Variants in PALLD observed in about 807,000 individuals in gnomAD.
PALLD encodes the protein palladin.
PALLD carries 61 observed loss-of-function variants against 123.5 expected under a neutral mutation model. The observed-to-expected ratio is 0.49, with a 90% CI of 0.40 to 0.61. PALLD has a LOEUF of 0.61. PALLD is among the 20% of genes least tolerant of loss of function. The pLI is 0.00. For synonymous variants in PALLD, 465 were observed against 496.4 expected, an observed-to-expected ratio of 0.94 and a Z score of 0.84; for missense variants, 1,273 against 1,377.0, an observed-to-expected ratio of 0.92 and a Z score of 1.20.
At chr4:168,514,364 G>C (rs1266382328) in intron 2 of PALLD, among the ~76,000 whole-genome samples, 2 of 152,140 alleles carry the variant, frequency 1.3e-5, no homozygotes, top group Non-Finnish European at 2.9e-5. Flanking sequence ...AAAGTGGTGT[G>C]ATTACAGGTG....
intron 2 of PALLD, among the ~76,000 whole-genome samples, chr4:168,516,258 A>G (rs1207506420): frequency 1.3e-5 from 2 of 152,146 alleles, no homozygotes; most frequent in African/African-American, 4.8e-5. Flanking sequence ...TCAAGTCAGA[A>G]TTCATTTTTT....
rs548822785 is a variant in PALLD at position 168,803,638 on chromosome 4, A to T, written c.1965-87284A>T. On this transcript the variant is annotated intron_variant, in intron 10 of 21. Transcript: ENST00000505667. The stretch of plus-strand genomic sequence containing the variant: ...GATTCTGAGGCTGCAGTGAGCTACG[A>T]TGGCGTACTGCACTCCAGCCTGGGT... Among the ~76,000 whole-genome samples, 4 of 149,912 alleles carry T rather than the reference A, an allele frequency of 2.7e-5. No individual in the cohort carries two copies. The South Asian group carries it at 8.4e-4, about 32-fold the overall frequency.
At chr4:168,669,197 A>G (rs1779938890) in intron 3 of PALLD, among the ~76,000 whole-genome samples, 1 of 152,156 alleles carries the variant, frequency 6.6e-6, no homozygotes, top group Non-Finnish European at 1.5e-5. Flanking sequence ...CAATATCTCC[A>G]TTATGTGGAG....
chr4:168,502,567 A>C (rs1761529886), intron 1 of PALLD, among the ~76,000 whole-genome samples: 1 of 152,204 alleles, frequency 6.6e-6, no homozygotes, highest in African/African-American at 2.4e-5. Context: ...GGACACAAGC[A>C]ACAGTTGATA....
intron 2 of PALLD, among the ~76,000 whole-genome samples, chr4:168,586,121 A>G (rs1770789383): frequency 6.8e-6 from 1 of 147,722 alleles, no homozygotes; most frequent in Non-Finnish European, 1.5e-5. Context: ...TCTTTAGTAT[A>G]CTACATCGCT....
intron 2 of PALLD, among the ~76,000 whole-genome samples, chr4:168,556,338 G>A (rs1767303833): frequency 6.6e-6 from 1 of 151,928 alleles, no homozygotes; most frequent in Non-Finnish European, 1.5e-5. Context: ...CTCGTGATCC[G>A]CCCGCCTCTG....
At chr4:168,657,969 A>T (rs1778749498) in intron 2 of PALLD, among the ~76,000 whole-genome samples, 1 of 152,184 alleles carries the variant, frequency 6.6e-6, no homozygotes, top group African/African-American at 2.4e-5. Flanking sequence ...TCAAAAAAAG[A>T]GAGAGAGCTG....
intron 10 of PALLD, among the ~76,000 whole-genome samples, chr4:168,740,938 T>C (rs1448884709): frequency 6.6e-6 from 1 of 152,256 alleles, no homozygotes; most frequent in African/African-American, 2.4e-5. Flanking sequence ...TCCATTTTGC[T>C]ATGCTGTTTA....
chr4:168,686,070 T>A (rs761172560), intron 6 of PALLD, among the ~76,000 whole-genome samples: 4 of 152,096 alleles, frequency 2.6e-5, no homozygotes, highest in Non-Finnish European at 1.5e-5. Flanking sequence ...TAAAAGACAT[T>A]TTAAAAGGCC....
intron 10 of PALLD, among the ~76,000 whole-genome samples, chr4:168,806,604 A>G (rs552857569): frequency 2.0e-5 from 3 of 152,328 alleles, no homozygotes; most frequent in Non-Finnish European, 4.4e-5. Flanking sequence ...GTGTGAGAAC[A>G]GACTAATACA....
At chr4:168,625,506 T>TAGATAGATAGATAGATAGATAGATAG (rs1351750406) in intron 2 of PALLD, among the ~76,000 whole-genome samples, 3,951 of 86,350 alleles carry the variant, frequency 0.046, 322 homozygotes, top group Middle Eastern at 0.091. Context: ...CCAGGAGATA[T>TAGATAGATAGATAGATAGATAGATAG]ATATATATAT....
chr4:168,923,907 G>A (rs1762070094), intron 18 of PALLD, among the ~76,000 whole-genome samples: 1 of 131,748 alleles, frequency 7.6e-6, no homozygotes, highest in Non-Finnish European at 1.7e-5. Context: ...GGTTGAGGCT[G>A]TGAATGATCG....
intron 10 of PALLD, among the ~76,000 whole-genome samples, chr4:168,749,254 T>A (rs950279000): frequency 2.0e-5 from 3 of 152,138 alleles, no homozygotes; most frequent in Non-Finnish European, 2.9e-5. Context: ...CAGATGCTGG[T>A]GCCATGCCTG....
intron 2 of PALLD, among the ~76,000 whole-genome samples, chr4:168,642,445 A>G (rs1777051430): frequency 6.6e-6 from 1 of 152,100 alleles, no homozygotes; most frequent in Admixed American, 6.6e-5. Context: ...TGTTTTGCCC[A>G]GGCTGGAGTG....
At chr4:168,690,158 T>G (rs1161698823) in intron 6 of PALLD, among the ~76,000 whole-genome samples, 1 of 152,236 alleles carries the variant, frequency 6.6e-6, no homozygotes, top group Non-Finnish European at 1.5e-5. Context: ...GGCTGAGGCA[T>G]GTGAAAACAA....
intron 8 of PALLD, 51 bp downstream of exon 8, chr4:168,691,343 G>A (rs1388521844): frequency 2.1e-6 from 3 of 1,450,842 alleles, no homozygotes; most frequent in Admixed American, 1.7e-5. Context: ...AGCAGATAAT[G>A]TATCTTTTGG....
intron 17 of PALLD, among the ~76,000 whole-genome samples, chr4:168,920,622 T>C (rs1304451312): frequency 1.3e-5 from 2 of 152,212 alleles, no homozygotes; most frequent in African/African-American, 4.8e-5. Context: ...AACATGTTAT[T>C]AGCAATTAAA....
intron 10 of PALLD, among the ~76,000 whole-genome samples, chr4:168,847,705 G>A (rs1016459370): frequency 6.6e-6 from 1 of 151,924 alleles, no homozygotes; most frequent in Non-Finnish European, 1.5e-5. Flanking sequence ...TGGGTACATA[G>A]GTGTGTATAT....
intron 10 of PALLD, among the ~76,000 whole-genome samples, chr4:168,873,285 A>C (rs1355217565): frequency 6.6e-6 from 1 of 152,168 alleles, no homozygotes; most frequent in Non-Finnish European, 1.5e-5. Flanking sequence ...AGTGCTTATA[A>C]ATATCAGGAC....
Sources: allele counts gnomAD v4.1 joint callset (sites outside exome capture counted in the v4.1 genomes callset), GRCh38; gene constraint gnomAD v4.1.1; transcripts MANE v1.5; gene names NCBI Gene and HGNC (gene_info 2026-07-23, HGNC 2026-07-21).